Variants in TMEM132C observed in about 807,000 individuals in gnomAD.
The protein encoded by TMEM132C is protein phosphatase 1, regulatory subunit 152.
A neutral mutation model predicts 61.4 loss-of-function variants in TMEM132C; 29 were observed. The ratio of observed to expected loss-of-function variants is 0.47; its 90% CI spans 0.35 to 0.64. TMEM132C has a LOEUF of 0.64. Ranked by LOEUF, TMEM132C falls within the 30% of genes least tolerant of loss-of-function variation. TMEM132C has a pLI of 0.00. For missense variants in TMEM132C, 1,408 were observed against 1,476.9 expected (o/e 0.95, Z 0.76); for synonymous variants, 656 against 633.1 (o/e 1.04, Z -0.54).
chr12:128,463,853 C>A (rs944608156), intron 2 of TMEM132C, among the ~76,000 whole-genome samples: 2 of 152,160 alleles, frequency 1.3e-5, no homozygotes, highest in African/African-American at 4.8e-5. Context: ...AGGGAGTGGG[C>A]AAACTCCAAG....
chr12:128,665,658 C>A (rs1410821541), intron 4 of TMEM132C, among the ~76,000 whole-genome samples: 2 of 148,494 alleles, frequency 1.3e-5, no homozygotes, highest in Non-Finnish European at 1.5e-5. Context: ...GGCACATGTA[C>A]CCATAAACAC....
chr12:128,624,085 G>A (rs1953992078), intron 4 of TMEM132C, among the ~76,000 whole-genome samples: 1 of 152,132 alleles, frequency 6.6e-6, no homozygotes, highest in Non-Finnish European at 1.5e-5. Context: ...AAAAACCACT[G>A]AGTCTATCGT....
At chr12:128,331,103 C>G (rs969575365) in intron 1 of TMEM132C, among the ~76,000 whole-genome samples, 1 of 152,024 alleles carries the variant, frequency 6.6e-6, no homozygotes, top group Non-Finnish European at 1.5e-5. Context: ...CCCCTGCCCC[C>G]CAGTCCCTTG....
chr12:128,518,665 G>A (rs571989341), intron 2 of TMEM132C, among the ~76,000 whole-genome samples: 90 of 152,248 alleles, frequency 5.9e-4, no homozygotes, highest in Non-Finnish European at 1.0e-3. Flanking sequence ...TTGATCTTCA[G>A]CTTCAATCTA....
chr12:128,451,597 A>G (rs1400596823), intron 2 of TMEM132C, among the ~76,000 whole-genome samples: 6 of 152,228 alleles, frequency 3.9e-5, no homozygotes, highest in Non-Finnish European at 7.3e-5. Flanking sequence ...ACACCATCAA[A>G]AATGTATTGC....
chr12:128,559,106 C>T (rs954658662), intron 3 of TMEM132C, among the ~76,000 whole-genome samples: 1 of 151,068 alleles, frequency 6.6e-6, no homozygotes, highest in Non-Finnish European at 1.5e-5. Flanking sequence ...AACACACACA[C>T]ACACACACAA....
chr12:128,563,262 A>G (rs918558015), intron 3 of TMEM132C, among the ~76,000 whole-genome samples: 6 of 152,240 alleles, frequency 3.9e-5, no homozygotes, highest in African/African-American at 1.4e-4. Flanking sequence ...GAAATCCAAC[A>G]TGAGTCCTCT....
intron 3 of TMEM132C, among the ~76,000 whole-genome samples, chr12:128,613,392 T>A (rs1272636897): frequency 6.6e-6 from 1 of 152,222 alleles, no homozygotes; most frequent in Non-Finnish European, 1.5e-5. Context: ...GCATCTCCTG[T>A]TTCCCAGTCC....
chr12:128,549,581 G>C (rs1368764901), intron 3 of TMEM132C, among the ~76,000 whole-genome samples: 1 of 151,966 alleles, frequency 6.6e-6, no homozygotes, highest in Non-Finnish European at 1.5e-5. Context: ...GACAATCTAC[G>C]GCCAGGAGTC....
intron 2 of TMEM132C, among the ~76,000 whole-genome samples, chr12:128,430,918 T>A (rs1869361741): frequency 6.6e-6 from 1 of 152,094 alleles, no homozygotes; most frequent in African/African-American, 2.4e-5. Flanking sequence ...GTAACAATAT[T>A]GAAATTAGGC....
chr12:128,530,600 C>T (rs965286588), intron 2 of TMEM132C, among the ~76,000 whole-genome samples: 58 of 152,206 alleles, frequency 3.8e-4, no homozygotes, highest in African/African-American at 1.1e-3. Flanking sequence ...TGTGCCACCA[C>T]GCCCATCTAA....
chr12:128,666,177 A>G (rs1219169047), intron 4 of TMEM132C, among the ~76,000 whole-genome samples: 2 of 150,582 alleles, frequency 1.3e-5, no homozygotes, highest in Non-Finnish European at 3.0e-5. Flanking sequence ...ACAGGCACAC[A>G]CACACATACA....
At chr12:128,353,074 G>A (rs1713633) in intron 1 of TMEM132C, among the ~76,000 whole-genome samples, 130,651 of 152,082 alleles carry the variant, frequency 0.86, 57,594 homozygotes, top group East Asian at 1. Context: ...ATCTTCTCTA[G>A]CACTCATAAA....
intron 4 of TMEM132C, among the ~76,000 whole-genome samples, chr12:128,655,112 T>C (rs564109576): frequency 1.1e-4 from 16 of 152,320 alleles, no homozygotes; most frequent in Non-Finnish European, 2.2e-4. Context: ...TCCAGGACTC[T>C]TGGGGTTCAT....
intron 4 of TMEM132C, among the ~76,000 whole-genome samples, chr12:128,640,853 T>A (rs561461104): frequency 3.9e-4 from 59 of 152,324 alleles, no homozygotes; most frequent in African/African-American, 1.4e-3. Flanking sequence ...AGCACTGCAC[T>A]GCAGCCTGGG....
intron 3 of TMEM132C, among the ~76,000 whole-genome samples, chr12:128,567,286 C>T (rs1315693931): frequency 6.6e-6 from 1 of 152,076 alleles, no homozygotes; most frequent in African/African-American, 2.4e-5. Flanking sequence ...AAAAAAAGAA[C>T]CTAGCAAACT....
At chr12:128,563,940 A>T (rs1424915043) in intron 3 of TMEM132C, among the ~76,000 whole-genome samples, 1 of 152,190 alleles carries the variant, frequency 6.6e-6, no homozygotes, top group African/African-American at 2.4e-5. Flanking sequence ...GGATGTAAAT[A>T]ACTCCCACAT....
chr12:128,493,756 C>T (rs11612052), intron 2 of TMEM132C, among the ~76,000 whole-genome samples: 3,869 of 152,206 alleles, frequency 0.025, 61 homozygotes, highest in Non-Finnish European at 0.034. Flanking sequence ...TGGGCTGAGA[C>T]GATGGGGTTT....
chr12:128,615,901 A>T (rs1486521482), intron 3 of TMEM132C, among the ~76,000 whole-genome samples: 1 of 152,234 alleles, frequency 6.6e-6, no homozygotes, highest in Non-Finnish European at 1.5e-5. Flanking sequence ...CCAAGGCCTC[A>T]TCAACACAGA....
Sources: gnomAD v4.1 joint callset for allele counts (sites outside exome capture counted in the v4.1 genomes callset) on GRCh38, gnomAD v4.1.1 for gene constraint, MANE v1.5 for transcripts, NCBI Gene and HGNC (gene_info 2026-07-23, HGNC 2026-07-21) for gene names.